The following TCF12 variants were observed in gnomAD, a reference collection of about 807,000 sequenced individuals.
TCF12 encodes transcription factor 12, also known as DNA-binding protein HTF4.
Under a neutral mutation model 86.0 loss-of-function variants are expected in TCF12, and 45 were observed. The observed-to-expected ratio is 0.52, with a 90% CI of 0.41 to 0.67. The LOEUF (loss-of-function observed/expected upper bound fraction) is 0.67, where lower values mean the gene tolerates loss of function less well. TCF12 is among the 30% of genes least tolerant of loss of function. The pLI is 0.00. For missense variants in TCF12, 881 were observed against 859.9 expected (o/e 1.02, Z -0.31); for synonymous variants, 330 against 299.6 (o/e 1.10, Z -1.05).
At chr15:57,135,159 C>CTA (rs2052428305) in intron 5 of TCF12, among the ~76,000 whole-genome samples, 1 of 152,156 alleles carries the variant, frequency 6.6e-6, no homozygotes, top group Non-Finnish European at 1.5e-5. Context: ...TGCAGCTTTA[C>CTA]TATAACTCAT....
chr15:57,237,295 A>G (rs1321889134), intron 12 of TCF12, among the ~76,000 whole-genome samples: 9 of 152,190 alleles, frequency 5.9e-5, no homozygotes, highest in Admixed American at 5.9e-4. Flanking sequence ...CTTAGACTCA[A>G]TAACATTAGC....
At chr15:57,005,812 C>T (rs1408992793) in intron 3 of TCF12, among the ~76,000 whole-genome samples, 1 of 152,108 alleles carries the variant, frequency 6.6e-6, no homozygotes, top group Non-Finnish European at 1.5e-5. Context: ...TCAACCCATT[C>T]TCCTGCCTTA....
chr15:56,932,288 G>A lies in TCF12; in HGVS notation c.148+11190G>A, dbSNP rs12898610. 9.5e-4 allele frequency among the ~76,000 whole-genome samples: 145 copies of A among 152,252 alleles called. 1 individual carries two copies. The highest frequency in any genetic ancestry group is 3.4e-3 in the Middle Eastern group (1 of 294). ...GTTGGTAACTGTTCATTTTACAGAGGAAATAGAGAAATCAACAGTGAAATA... is the reference window on the plus strand; with the variant it reads ...GTTGGTAACTGTTCATTTTACAGAGAAAATAGAGAAATCAACAGTGAAATA... On this transcript the variant is annotated intron_variant, in intron 3 of 20. Transcript: ENST00000333725.
At chr15:57,099,190 T>C (rs2049550818) in intron 5 of TCF12, among the ~76,000 whole-genome samples, 1 of 152,220 alleles carries the variant, frequency 6.6e-6, no homozygotes, top group South Asian at 2.1e-4. Context: ...GTTCTCTTTC[T>C]ATGGTTAGAA....
chr15:57,061,046 A>C (rs1297131589), intron 3 of TCF12, among the ~76,000 whole-genome samples: 1 of 152,326 alleles, frequency 6.6e-6, no homozygotes, highest in African/African-American at 2.4e-5. Context: ...ATTCTATAGC[A>C]TTCTTTGAGC....
At chr15:57,013,813 T>C (rs1443874437) in intron 3 of TCF12, among the ~76,000 whole-genome samples, 1 of 152,230 alleles carries the variant, frequency 6.6e-6, no homozygotes, top group Non-Finnish European at 1.5e-5. Flanking sequence ...AGTTGAATAA[T>C]TGCATAAGAT....
chr15:57,105,637 C>A (rs1347723677), intron 5 of TCF12, among the ~76,000 whole-genome samples: 1 of 152,166 alleles, frequency 6.6e-6, no homozygotes, highest in Non-Finnish European at 1.5e-5. Context: ...GCCTCGAACT[C>A]CTGACCTCAA....
At chr15:57,088,661 G>A (rs1477635243) in intron 4 of TCF12, among the ~76,000 whole-genome samples, 1 of 151,914 alleles carries the variant, frequency 6.6e-6, no homozygotes, top group Non-Finnish European at 1.5e-5. Flanking sequence ...AGTTGTGTAA[G>A]TTCTTGCTAC....
chr15:57,054,604 C>G (rs2067860225), intron 3 of TCF12, among the ~76,000 whole-genome samples: 1 of 152,104 alleles, frequency 6.6e-6, no homozygotes, highest in African/African-American at 2.4e-5. Context: ...TCCCTGTCTT[C>G]TTTCCCAGAC....
chr15:57,189,382 C>T (rs1289242006), intron 6 of TCF12, among the ~76,000 whole-genome samples: 3 of 152,158 alleles, frequency 2.0e-5, no homozygotes, highest in African/African-American at 7.2e-5. Flanking sequence ...ACAACTCTTA[C>T]AATTCAACAA....
intron 3 of TCF12, among the ~76,000 whole-genome samples, chr15:56,939,040 C>T (rs1336460252): frequency 1.3e-5 from 2 of 152,176 alleles, no homozygotes; most frequent in Non-Finnish European, 2.9e-5. Context: ...TGACACTGGT[C>T]TCTCCTCACC....
chr15:57,139,641 GTTTAC>G lies in TCF12; in HGVS notation c.326-26758_326-26754del, dbSNP rs562862678. On this transcript the variant is annotated intron_variant, in intron 5 of 20. Coordinates refer to ENST00000333725, the MANE Select transcript of TCF12 (RefSeq NM_207037.2). ...TTGCAAACACTAAAAAATCTCTAAT[GTTTAC>G]TTCTTTAAACCAAAAAAAAAAAGTT... Among the ~76,000 whole-genome samples the G allele has an allele frequency of 1.0e-3, 154 of 151,584 alleles. 1 individual carries two copies. Among genetic ancestry groups the G allele is most frequent in the African/African-American group, 3.4e-3 (141 of 41,314 alleles).
chr15:57,126,482 A>C (rs1231495859), intron 5 of TCF12, among the ~76,000 whole-genome samples: 1 of 152,182 alleles, frequency 6.6e-6, no homozygotes, highest in Admixed American at 6.5e-5. Flanking sequence ...TGTCAGTCCT[A>C]TTGGAGAATC....
chr15:56,935,963 G>A (rs12440219), intron 3 of TCF12, among the ~76,000 whole-genome samples: 104,898 of 152,026 alleles, frequency 0.69, 36,753 homozygotes, highest in Non-Finnish European at 0.75. Context: ...GTGTGTGCAA[G>A]TATTTTTTTC....
At chr15:57,264,882 ACCAT>A (rs372343443) in intron 18 of TCF12, among the ~76,000 whole-genome samples, 1 of 152,066 alleles carries the variant, frequency 6.6e-6, no homozygotes, top group South Asian at 2.1e-4. Flanking sequence ...GGTGCCTGCC[ACCAT>A]GCCCGGCGAA....
chr15:56,947,194 T>G (rs895327542), intron 3 of TCF12, among the ~76,000 whole-genome samples: 34 of 152,216 alleles, frequency 2.2e-4, no homozygotes, highest in African/African-American at 8.2e-4. Context: ...TAGGCTGTAT[T>G]CAGACTGCTT....
chr15:57,133,560 G>T lies in TCF12; in HGVS notation c.326-32842G>T, dbSNP rs868597404. On this transcript the variant is annotated intron_variant, in intron 5 of 20. Coordinates refer to ENST00000333725, the MANE Select transcript of TCF12 (RefSeq NM_207037.2). ...TGCTACACGGCTGTGTTGCACCTGCGCCCCACCGAGGTGATTGATTGGTTT... is the reference window on the plus strand; with the variant it reads ...TGCTACACGGCTGTGTTGCACCTGCTCCCCACCGAGGTGATTGATTGGTTT... Among the ~76,000 whole-genome samples the T allele has an allele frequency of 2.6e-5, 4 of 151,594 alleles. No homozygotes were observed. In the South Asian group the frequency reaches 8.3e-4, roughly 32 times the overall value.
rs374179677 is a variant in TCF12, at chr15:57,158,184, G to GTTTTT, written c.326-8215_326-8214insTTTTT. Among the ~76,000 whole-genome samples, 40 of 134,108 alleles carry GTTTTT rather than the reference G, an allele frequency of 3.0e-4. 8 individuals carry two copies. The highest frequency in any genetic ancestry group is 3.0e-4 in the Non-Finnish European group (19 of 62,324). 88.0% of individuals were successfully genotyped at this position (134,108 alleles called of 152,430 possible). ...ACAGATGTTAAAGTCTCAGAAAGTCGTTTCTTTTTTTTTTTTTTCTTTGAG... is the reference window on the plus strand; with the variant it reads ...ACAGATGTTAAAGTCTCAGAAAGTCGTTTTTTTTCTTTTTTTTTTTTTTCTTTGAG... On this transcript the variant is annotated intron_variant, in intron 5 of 20. Coordinates refer to ENST00000333725, the MANE Select transcript of TCF12 (RefSeq NM_207037.2).
rs558076077 is a variant in TCF12, at chr15:57,134,471, A to C, written c.326-31931A>C. The C allele has an allele frequency of 2.6e-5, 4 of 152,290 alleles. No individual in the cohort carries two copies. The East Asian group carries it at 5.8e-4, about 22-fold the overall frequency. The allele number at this position is 152,290 out of a possible 1,614,324, so 9.4% of individuals were successfully genotyped here. A position where few individuals can be genotyped will look rare whatever the true frequency, so the allele number is the denominator to read the frequency against. On this transcript the variant is annotated intron_variant, in intron 5 of 20. Coordinates refer to ENST00000333725, the MANE Select transcript of TCF12 (RefSeq NM_207037.2). ...GAAGTTCTGCTCTACTTGTACCTTGACTGGAATTTGATGTGCAGGGCTGTG... is the reference window on the plus strand; with the variant it reads ...GAAGTTCTGCTCTACTTGTACCTTGCCTGGAATTTGATGTGCAGGGCTGTG...
Sources: allele counts gnomAD v4.1 joint callset (sites outside exome capture counted in the v4.1 genomes callset), GRCh38; gene constraint gnomAD v4.1.1; transcripts MANE v1.5; gene names NCBI Gene and HGNC (gene_info 2026-07-23, HGNC 2026-07-21).